The following RUNX1T1 variants were observed in gnomAD, a reference collection of about 807,000 sequenced individuals.
The protein encoded by RUNX1T1 is protein CBFA2T1.
RUNX1T1 carries 4 observed loss-of-function variants against 62.8 expected under a neutral mutation model. That is an observed-to-expected ratio of 0.06 (90% CI 0.03 to 0.15). The LOEUF is 0.15. Among genes scored for constraint, RUNX1T1 ranks in the 10% least tolerant of loss-of-function variants. The pLI is 1.00. For synonymous variants in RUNX1T1, 291 were observed against 286.0 expected, an observed-to-expected ratio of 1.02 and a Z score of -0.18; for missense variants, 508 against 754.3, an observed-to-expected ratio of 0.67 and a Z score of 3.82.
intron 2 of RUNX1T1, among the ~76,000 whole-genome samples, chr8:92,070,564 A>G (rs565603013): frequency 6.6e-6 from 1 of 152,182 alleles, no homozygotes; most frequent in East Asian, 1.9e-4. Flanking sequence ...ATTATTATAT[A>G]TGTTTTACTG....
intron 5 of RUNX1T1, chr8:91,994,372 C>T: frequency 5.0e-6 from 1 of 201,508 alleles, no homozygotes; most frequent in Non-Finnish European, 1.1e-5. Context: ...TTTGCATATC[C>T]CACAAATTTC....
chr8:92,054,910 C>G (rs543038029), intron 1 of RUNX1T1, among the ~76,000 whole-genome samples: 8 of 152,224 alleles, frequency 5.3e-5, no homozygotes, highest in Admixed American at 3.9e-4. Context: ...GAGGCTGAAG[C>G]AGGGGAACTG....
At chr8:91,959,321 A>G (rs1268680999) in exon 11 of RUNX1T1, 1 of 225,566 alleles carries the variant, frequency 4.4e-6, no homozygotes, top group Non-Finnish European at 8.9e-6. Context: ...GGAACCTTGC[A>G]AAAGTGAAGA....
At chr8:91,966,515 A>G (rs1811651733) in intron 10 of RUNX1T1, among the ~76,000 whole-genome samples, 1 of 152,230 alleles carries the variant, frequency 6.6e-6, no homozygotes, top group African/African-American at 2.4e-5. Context: ...TCTTGCTTCA[A>G]TCACCTAAGC....
intron 1 of RUNX1T1, among the ~76,000 whole-genome samples, chr8:92,089,925 TAAAA>T (rs36052605): frequency 1.4e-3 from 116 of 80,154 alleles, no homozygotes; most frequent in Non-Finnish European, 2.1e-3. Context: ...TCCCTGAATT[TAAAA>T]AAAAAAAAAA....
chr8:92,061,925 A>G (rs775484122), intron 1 of RUNX1T1, among the ~76,000 whole-genome samples: 2 of 152,314 alleles, frequency 1.3e-5, no homozygotes, highest in Non-Finnish European at 2.9e-5. Context: ...CCAGGCTCCA[A>G]AAATAATATT....
At chr8:92,051,018 A>C (rs1830147429) in intron 1 of RUNX1T1, among the ~76,000 whole-genome samples, 1 of 152,180 alleles carries the variant, frequency 6.6e-6, no homozygotes, top group Non-Finnish European at 1.5e-5. Context: ...CTTCCTTGAC[A>C]ATCTAATCTA....
chr8:92,050,496 T>C (rs1216553605), intron 1 of RUNX1T1, among the ~76,000 whole-genome samples: 1 of 152,162 alleles, frequency 6.6e-6, no homozygotes, highest in East Asian at 1.9e-4. Flanking sequence ...ATTATCTCAT[T>C]TAATTTTCAC....
intron 1 of RUNX1T1, among the ~76,000 whole-genome samples, chr8:92,082,935 GC>G (rs1193538062): frequency 6.6e-6 from 1 of 152,092 alleles, no homozygotes; most frequent in African/African-American, 2.4e-5. Context: ...GGAGACCGTG[GC>G]AACTAAGGGA....
intron 10 of RUNX1T1, among the ~76,000 whole-genome samples, chr8:91,967,372 G>GC (rs1199945827): frequency 4.6e-5 from 7 of 151,636 alleles, no homozygotes; most frequent in African/African-American, 7.3e-5. Context: ...AATTTTACAC[G>GC]CCCCCCTCCC....
intron 10 of RUNX1T1, among the ~76,000 whole-genome samples, chr8:91,968,387 C>T (rs761611766): frequency 6.6e-5 from 10 of 152,096 alleles, no homozygotes; most frequent in Non-Finnish European, 1.3e-4. Context: ...GTGCACTCTC[C>T]GGTAAGTTTT....
At chr8:91,994,544 G>T (rs112217168) in intron 5 of RUNX1T1, 3 of 490,724 alleles carry the variant, frequency 6.1e-6, no homozygotes, top group Middle Eastern at 3.1e-4. Flanking sequence ...AGAGACCTGA[G>T]ATCTAGTCCT....
intron 10 of RUNX1T1, among the ~76,000 whole-genome samples, chr8:91,962,825 TGAG>T (rs1810790171): frequency 6.6e-6 from 1 of 152,240 alleles, no homozygotes; most frequent in Non-Finnish European, 1.5e-5. Flanking sequence ...ACATCTAATC[TGAG>T]TCAAGTGGCT....
chr8:92,031,006 A>G (rs1826116573), intron 1 of RUNX1T1, among the ~76,000 whole-genome samples: 1 of 152,196 alleles, frequency 6.6e-6, no homozygotes, highest in Admixed American at 6.5e-5. Context: ...AACCAAACCT[A>G]ACATAGTCCT....
At chr8:92,040,632 C>T (rs1400696397) in intron 1 of RUNX1T1, among the ~76,000 whole-genome samples, 1 of 152,214 alleles carries the variant, frequency 6.6e-6, no homozygotes, top group Non-Finnish European at 1.5e-5. Flanking sequence ...CTCTACTGTG[C>T]TTTCAAAGCC....
chr8:92,033,430 C>G (rs1204669522), intron 1 of RUNX1T1, among the ~76,000 whole-genome samples: 1 of 152,198 alleles, frequency 6.6e-6, no homozygotes, highest in African/African-American at 2.4e-5. Flanking sequence ...ATAATGATCT[C>G]TATTAGAATA....
chr8:92,067,105 T>C (rs923174269), upstream of RUNX1T1, among the ~76,000 whole-genome samples: 3 of 152,274 alleles, frequency 2.0e-5, no homozygotes, highest in African/African-American at 7.2e-5. Flanking sequence ...ATAAACATCA[T>C]GAGGTTAAAG....
At chr8:92,054,355 T>C (rs1830688426) in intron 1 of RUNX1T1, among the ~76,000 whole-genome samples, 1 of 152,120 alleles carries the variant, frequency 6.6e-6, no homozygotes, top group Non-Finnish European at 1.5e-5. Flanking sequence ...CTAGACAATG[T>C]GCATCAAGCA....
intron 6 of RUNX1T1, among the ~76,000 whole-genome samples, chr8:91,988,095 C>T (rs1412954802): frequency 1.3e-5 from 2 of 152,136 alleles, no homozygotes; most frequent in East Asian, 1.9e-4. Context: ...TTATAAGACA[C>T]TGAATTTTAC....
Sources: gnomAD v4.1 joint callset for allele counts (sites outside exome capture counted in the v4.1 genomes callset) on GRCh38, gnomAD v4.1.1 for gene constraint, MANE v1.5 for transcripts, NCBI Gene and HGNC (gene_info 2026-07-23, HGNC 2026-07-21) for gene names.